TMEM38B: variants seen among roughly 807,000 people sequenced by gnomAD.
TMEM38B encodes trimeric intracellular cation channel type B.
TMEM38B carries 24 observed loss-of-function variants against 28.7 expected under a neutral mutation model. That is an observed-to-expected ratio of 0.84 (90% confidence interval 0.61 to 1.18). The LOEUF (loss-of-function observed/expected upper bound fraction) is 1.18, where lower values mean the gene tolerates loss of function less well. TMEM38B is among the 50% of genes most tolerant of loss of function. The pLI, the probability that TMEM38B is intolerant of heterozygous loss-of-function variation, is 0.00. For missense variants in TMEM38B, 380 were observed against 350.9 expected (o/e 1.08, Z -0.66); for synonymous variants, 131 against 127.7 (o/e 1.03, Z -0.17).
At chr9:105,744,633 C>T (rs142103777) in intron 4 of TMEM38B, among the ~76,000 whole-genome samples, 7,636 of 151,106 alleles carry the variant, frequency 0.051, 551 homozygotes, top group African/African-American at 0.16. Context: ...ATGTGCAGAA[C>T]GTGCAGGTTT....
intron 5 of TMEM38B, 97 bp from the exon 6 acceptor site, chr9:105,773,768 T>C: frequency 1.7e-6 from 2 of 1,167,684 alleles, no homozygotes; most frequent in South Asian, 3.0e-5. Context: ...GCAGATTACA[T>C]TAATAATGCA....
intron 3 of TMEM38B, 115 bp from the exon 4 acceptor site, chr9:105,722,419 A>G (rs1836350595): frequency 3.5e-6 from 3 of 866,744 alleles, no homozygotes; most frequent in Admixed American, 4.4e-5. Flanking sequence ...TCCAAGAATT[A>G]TATTTTGGGA....
chr9:105,694,746 C>T lies in TMEM38B; in HGVS notation c.86C>T (p.Ser29Leu), dbSNP rs781171810. 24 of 1,603,322 alleles carry T rather than the reference C, an allele frequency of 1.5e-5. No homozygotes were observed. Among genetic ancestry groups the T allele is most frequent in the African/African-American group, 1.5e-4 (11 of 73,786 alleles). The change falls in exon 1 of 6, where the codon TCA (serine) becomes TTA (leucine). Residue 29 changes from serine (S) to leucine (L), a missense_variant. Physicochemically the swap from Ser to Leu is moderately radical, Grantham distance 145 (BLOSUM62 -2). Transcript: ENST00000374692. ...PFFDIAHYLV[S>L]VMAVKRQPGA... ...TTTGACATCGCGCACTATCTAGTGT[C>T]AGTGATGGCGGTGAAACGTCAGCCG...
At chr9:105,711,583 T>G (rs1236298525) in intron 2 of TMEM38B, among the ~76,000 whole-genome samples, 1 of 150,532 alleles carries the variant, frequency 6.6e-6, no homozygotes, top group Non-Finnish European at 1.5e-5. Context: ...CAGTTGCTCA[T>G]GCCTGTAATC....
Position 105,694,673 on chromosome 9 carries a change from T to C in TMEM38B, c.13T>C (p.Trp5Arg). Residue 5 changes from tryptophan to arginine, a missense_variant, in exon 1 of 6, where the codon TGG becomes CGG. Coordinates refer to ENST00000374692, the MANE Select transcript of TMEM38B (RefSeq NM_018112.3). ...GTCGGTGGTCGTTATGGATTCTCCA[T>C]GGGACGAGTTGGCTCTGGCCTTCTC... MDSP[W>R]DELALAFSRT... 6.2e-7 allele frequency: 1 copy of C among 1,613,724 alleles called. No individual in the cohort carries two copies. The highest frequency in any genetic ancestry group is 1.3e-5 in the African/African-American group (1 of 75,008).
At chr9:105,716,966 T>G (rs185046892) in intron 2 of TMEM38B, among the ~76,000 whole-genome samples, 277 of 152,222 alleles carry the variant, frequency 1.8e-3, no homozygotes, top group Middle Eastern at 3.4e-3. Context: ...ATAGTCAGAT[T>G]TTGGAGAGTC....
rs1387338393 is a variant in TMEM38B, at chr9:105,764,964, A to T, written c.661-8901A>T. Among the ~76,000 whole-genome samples the T allele has an allele frequency of 2.6e-5, 4 of 152,348 alleles. No homozygotes were observed. The East Asian group carries it at 5.8e-4, about 22-fold the overall frequency. On this transcript the variant is annotated intron_variant, in intron 5 of 5. Coordinates refer to ENST00000374692, the MANE Select transcript of TMEM38B (RefSeq NM_018112.3). ...CTGTCTGATCTTTGACAAACCTGAG[A>T]AAAACAAGCAATGGGGGAAGGATTC...
At chr9:105,769,061 T>C (rs1826462913) in intron 5 of TMEM38B, among the ~76,000 whole-genome samples, 1 of 152,232 alleles carries the variant, frequency 6.6e-6, no homozygotes, top group Non-Finnish European at 1.5e-5. Flanking sequence ...ATAGCTGTGA[T>C]AAAATACTTA....
chr9:105,728,938 T>C (rs897932052), intron 4 of TMEM38B, among the ~76,000 whole-genome samples: 2 of 151,334 alleles, frequency 1.3e-5, no homozygotes, highest in Non-Finnish European at 2.9e-5. Context: ...TTGATTTTTT[T>C]CTTGTAAATT....
chr9:105,741,532 T>C (rs1427018107), intron 4 of TMEM38B, among the ~76,000 whole-genome samples: 1 of 152,144 alleles, frequency 6.6e-6, no homozygotes, highest in East Asian at 1.9e-4. Flanking sequence ...TCGAAGGAAA[T>C]AAGGAACATG....
intron 5 of TMEM38B, among the ~76,000 whole-genome samples, chr9:105,750,405 C>T (rs1225733740): frequency 6.6e-6 from 1 of 152,032 alleles, no homozygotes; most frequent in Non-Finnish European, 1.5e-5. Flanking sequence ...GGGCAGATCA[C>T]CTGAGGTCAG....
chr9:105,733,394 A>C (rs988781205), intron 4 of TMEM38B, among the ~76,000 whole-genome samples: 3 of 148,740 alleles, frequency 2.0e-5, no homozygotes, highest in Admixed American at 1.3e-4. Context: ...TTTTCATGAG[A>C]GATATTGGCT....
chr9:105,760,365 T>A (rs1837995326), intron 5 of TMEM38B: 1 of 764,122 alleles, frequency 1.3e-6, no homozygotes, highest in Non-Finnish European at 2.4e-6. Flanking sequence ...AGGAAATTCT[T>A]CAAGTACCAA....
chr9:105,706,082 A>G (rs1306505433), intron 2 of TMEM38B, among the ~76,000 whole-genome samples: 1 of 152,046 alleles, frequency 6.6e-6, no homozygotes, highest in Non-Finnish European at 1.5e-5. Context: ...GTATTTTTGT[A>G]GAGACGGGGT....
At chr9:105,715,228 C>T (rs559364925) in intron 2 of TMEM38B, among the ~76,000 whole-genome samples, 1 of 152,070 alleles carries the variant, frequency 6.6e-6, no homozygotes, top group Non-Finnish European at 1.5e-5. Context: ...TACTATTTTA[C>T]ACTGTCATTT....
rs1837511289 is a variant in TMEM38B at position 105,748,341 on chromosome 9, G to A, written c.660+151G>A. ...GGGGAGCTTTACTCAGCACATCCAT[G>A]ACTTTCTGAAACTTAGCTTTTCTGT... is the stretch of plus-strand genomic sequence containing the variant. On this transcript the variant is annotated intron_variant, in intron 5 of 5. Transcript: ENST00000374692. The A allele has an allele frequency of 4.9e-6, 3 of 606,168 alleles. No individual in the cohort carries two copies. The Admixed American group carries it at 9.1e-5, about 18-fold the overall frequency. 37.5% of individuals were successfully genotyped at this position (606,168 alleles called of 1,614,324 possible). A position where few individuals can be genotyped will look rare whatever the true frequency, so the allele number is the denominator to read the frequency against.
chr9:105,704,617 A>G (rs919330800), intron 1 of TMEM38B, among the ~76,000 whole-genome samples: 2 of 150,648 alleles, frequency 1.3e-5, no homozygotes, highest in Non-Finnish European at 3.0e-5. Flanking sequence ...CAGGTTGTAT[A>G]TTTTTGTTAG....
intron 5 of TMEM38B, among the ~76,000 whole-genome samples, chr9:105,763,497 T>G (rs1838143929): frequency 6.6e-6 from 1 of 152,128 alleles, no homozygotes; most frequent in Non-Finnish European, 1.5e-5. Flanking sequence ...ATGGATAAAT[T>G]CCTCGACACA....
At chr9:105,717,442 G>A (rs542650100) in intron 2 of TMEM38B, among the ~76,000 whole-genome samples, 35 of 152,230 alleles carry the variant, frequency 2.3e-4, no homozygotes, top group African/African-American at 7.2e-4. Flanking sequence ...TTATAATAGG[G>A]AAAACTGGGA....
Sources: allele counts gnomAD v4.1 joint callset (sites outside exome capture counted in the v4.1 genomes callset), GRCh38; gene constraint gnomAD v4.1.1; transcripts MANE v1.5; gene names NCBI Gene and HGNC (gene_info 2026-07-23, HGNC 2026-07-21).